The following NRCAM variants were observed in gnomAD, a reference collection of about 807,000 sequenced individuals.
NRCAM encodes the protein NgCAM-related cell adhesion molecule.
In NRCAM, 83 loss-of-function variants were observed where a neutral mutation model predicts 156.5. That is an observed-to-expected ratio of 0.53 (90% CI 0.44 to 0.64). The LOEUF is 0.64. Among genes scored for constraint, NRCAM ranks in the 30% least tolerant of loss-of-function variants. The pLI is 0.00. For missense variants in NRCAM, 1,417 were observed against 1,597.3 expected (o/e 0.89, Z 1.92); for synonymous variants, 538 against 563.9 (o/e 0.95, Z 0.65).
At chr7:108,348,961 G>A (rs2099390751) in intron 2 of NRCAM, among the ~76,000 whole-genome samples, 1 of 151,504 alleles carries the variant, frequency 6.6e-6, no homozygotes, top group Admixed American at 6.6e-5. Context: ...GAATGTATGA[G>A]CTATCAGGAT....
intron 10 of NRCAM, among the ~76,000 whole-genome samples, chr7:108,225,378 G>A (rs1356282838): frequency 6.6e-6 from 1 of 152,146 alleles, no homozygotes; most frequent in East Asian, 1.9e-4. Context: ...GTACGTGAAA[G>A]GTTTTTCCAA....
intron 3 of NRCAM, among the ~76,000 whole-genome samples, chr7:108,306,395 T>C (rs2098715494): frequency 6.6e-6 from 1 of 152,192 alleles, no homozygotes; most frequent in Non-Finnish European, 1.5e-5. Flanking sequence ...ACGGATGGTT[T>C]CCTCTGTTAA....
chr7:108,230,952 A>G (rs777023345), intron 8 of NRCAM, 79 bp downstream of exon 8: 27 of 1,123,638 alleles, frequency 2.4e-5, no homozygotes, highest in African/African-American at 4.8e-5. Flanking sequence ...TTTATGAATC[A>G]TAAGAGGTAA....
chr7:108,273,624 T>C (rs1173034525), intron 3 of NRCAM, among the ~76,000 whole-genome samples: 1 of 152,222 alleles, frequency 6.6e-6, no homozygotes, highest in East Asian at 1.9e-4. Context: ...TTAAGATCTT[T>C]GTAGATTCTG....
intron 1 of NRCAM, among the ~76,000 whole-genome samples, chr7:108,400,890 C>T (rs969311947): frequency 1.3e-5 from 2 of 152,056 alleles, no homozygotes; most frequent in Non-Finnish European, 2.9e-5. Flanking sequence ...AAGACATGAG[C>T]CACACTGATG....
intron 2 of NRCAM, among the ~76,000 whole-genome samples, chr7:108,396,159 C>A (rs1003206325): frequency 2.0e-5 from 3 of 151,962 alleles, no homozygotes; most frequent in African/African-American, 7.3e-5. Flanking sequence ...ATGAGTGAGA[C>A]AGAAAAAGAT....
intron 2 of NRCAM, among the ~76,000 whole-genome samples, chr7:108,313,549 T>C (rs890192417): frequency 6.6e-6 from 1 of 152,180 alleles, no homozygotes; most frequent in African/African-American, 2.4e-5. Flanking sequence ...TTAGGACAAC[T>C]ATGAAACACA....
chr7:108,354,104 T>C (rs2099457933), intron 2 of NRCAM, among the ~76,000 whole-genome samples: 1 of 152,238 alleles, frequency 6.6e-6, no homozygotes, highest in Non-Finnish European at 1.5e-5. Context: ...CCCTTAAGTC[T>C]AGCTCCCAAT....
intron 1 of NRCAM, among the ~76,000 whole-genome samples, chr7:108,420,297 G>C (rs917610205): frequency 3.3e-5 from 5 of 152,092 alleles, no homozygotes; most frequent in African/African-American, 1.2e-4. Context: ...GCAGACACTT[G>C]ATGTCTGATG....
chr7:108,392,194 G>A (rs187661469), intron 2 of NRCAM, among the ~76,000 whole-genome samples: 20 of 152,206 alleles, frequency 1.3e-4, no homozygotes, highest in East Asian at 9.7e-4. Context: ...CATTCTCCTC[G>A]TCACTTTCAG....
At chr7:108,400,396 C>A (rs943062776) in intron 1 of NRCAM, among the ~76,000 whole-genome samples, 2 of 152,208 alleles carry the variant, frequency 1.3e-5, no homozygotes, top group Non-Finnish European at 2.9e-5. Context: ...AACAGTATGG[C>A]CTTGGGCTTG....
intron 1 of NRCAM, among the ~76,000 whole-genome samples, chr7:108,436,669 C>T (rs967574530): frequency 2.0e-5 from 3 of 152,046 alleles, no homozygotes; most frequent in Non-Finnish European, 4.4e-5. Context: ...GTTCACATCA[C>T]AATGTTTAAA....
intron 11 of NRCAM, among the ~76,000 whole-genome samples, chr7:108,215,621 G>C (rs2087887352): frequency 6.6e-6 from 1 of 151,886 alleles, no homozygotes; most frequent in South Asian, 2.1e-4. Flanking sequence ...TTTTGGGATA[G>C]TTAGCTCTTC....
At chr7:108,254,230 A>G (rs2096518790) in intron 3 of NRCAM, among the ~76,000 whole-genome samples, 1 of 152,232 alleles carries the variant, frequency 6.6e-6, no homozygotes. Flanking sequence ...TATATCTAAT[A>G]AAGGACTTGT....
chr7:108,262,647 AC>A (rs1264739882), intron 3 of NRCAM, among the ~76,000 whole-genome samples: 8 of 152,322 alleles, frequency 5.3e-5, no homozygotes, highest in African/African-American at 1.9e-4. Context: ...GACACACTTT[AC>A]ATAAGGCATG....
chr7:108,331,499 G>T (rs942422465), intron 2 of NRCAM, among the ~76,000 whole-genome samples: 3 of 152,110 alleles, frequency 2.0e-5, no homozygotes, highest in African/African-American at 7.2e-5. Context: ...TAATGCATGT[G>T]TGGTATATTT....
At chr7:108,418,938 G>C (rs1331829235) in intron 1 of NRCAM, among the ~76,000 whole-genome samples, 1 of 151,996 alleles carries the variant, frequency 6.6e-6, no homozygotes, top group African/African-American at 2.4e-5. Context: ...AGTGTTTCAG[G>C]AATGACTCTT....
At chr7:108,221,539 T>C (rs2092286047) in intron 11 of NRCAM, among the ~76,000 whole-genome samples, 1 of 152,212 alleles carries the variant, frequency 6.6e-6, no homozygotes, top group Non-Finnish European at 1.5e-5. Context: ...AATGAATTAA[T>C]GGCATTTGCG....
At chr7:108,153,619 TAAGAAA>T in intron 32 of NRCAM, among the ~76,000 whole-genome samples, 1 of 152,150 alleles carries the variant, frequency 6.6e-6, no homozygotes, top group East Asian at 1.9e-4. Flanking sequence ...AGCAACTTGA[TAAGAAA>T]AAGAAATAGA....
Sources: allele counts gnomAD v4.1 joint callset (sites outside exome capture counted in the v4.1 genomes callset), GRCh38; gene constraint gnomAD v4.1.1; transcripts MANE v1.5; gene names NCBI Gene and HGNC (gene_info 2026-07-23, HGNC 2026-07-21).